Variants in PLAUR observed in about 807,000 individuals in gnomAD.
PLAUR encodes urokinase plasminogen activator surface receptor.
PLAUR carries 22 observed loss-of-function variants against 33.4 expected under a neutral mutation model. The ratio of observed to expected loss-of-function variants is 0.66; its 90% CI spans 0.47 to 0.94. The LOEUF (loss-of-function observed/expected upper bound fraction) is 0.94, where lower values mean the gene tolerates loss of function less well. PLAUR is among the 40% of genes least tolerant of loss of function. The probability of loss-of-function intolerance (pLI) is 0.00; values close to 1 mark genes in which losing one functional copy is unlikely to be tolerated. For synonymous variants in PLAUR, 148 were observed against 167.3 expected, an observed-to-expected ratio of 0.88 and a Z score of 0.89; for missense variants, 408 against 434.7, an observed-to-expected ratio of 0.94 and a Z score of 0.55.
Position 43,648,770 on chromosome 19 carries a change from A to G in PLAUR, c.*120T>C. On this transcript the variant is annotated 3_prime_UTR_variant, in exon 7 of 7. Coordinates refer to ENST00000340093, the MANE Select transcript of PLAUR (RefSeq NM_002659.4). ...GCTGTTTTCATAGCTGGGAAAACTGAGGCCCAGAGAGGTCGGCACACTGGC... is the reference window on the plus strand; with the variant it reads ...GCTGTTTTCATAGCTGGGAAAACTGGGGCCCAGAGAGGTCGGCACACTGGC... 1 of 1,099,710 alleles carries G rather than the reference A, an allele frequency of 9.1e-7. No individual in the cohort carries two copies. The highest frequency in any genetic ancestry group is 1.6e-5 in the African/African-American group (1 of 63,842). 68.1% of individuals were successfully genotyped at this position (1,099,710 alleles called of 1,614,324 possible).
At chr19:43,664,564 T>G (rs932150600) in intron 3 of PLAUR, among the ~76,000 whole-genome samples, 5 of 152,218 alleles carry the variant, frequency 3.3e-5, no homozygotes, top group African/African-American at 1.2e-4. Context: ...CCCGCCTTGG[T>G]CTCCCAAAGT....
chr19:43,657,474 G>A (rs574795635), intron 3 of PLAUR, among the ~76,000 whole-genome samples: 2 of 152,276 alleles, frequency 1.3e-5, no homozygotes, highest in East Asian at 1.9e-4. Context: ...ATGTTCCCTG[G>A]CATCCAGGCC....
At chr19:43,666,421 C>T (rs1967253569) in intron 2 of PLAUR, among the ~76,000 whole-genome samples, 1 of 152,144 alleles carries the variant, frequency 6.6e-6, no homozygotes, top group Non-Finnish European at 1.5e-5. Flanking sequence ...CTGCTGCTGA[C>T]TTGCTGACTG....
chr19:43,661,411 T>TC (rs1344415227), intron 3 of PLAUR: 1 of 122,238 alleles, frequency 8.2e-6, no homozygotes, highest in East Asian at 2.3e-4. Context: ...TTTTTTTTTT[T>TC]TTTGAAATGG....
chr19:43,667,927 C>A (rs1473888713), intron 1 of PLAUR: 18 of 1,372,440 alleles, frequency 1.3e-5, no homozygotes, highest in Non-Finnish European at 1.4e-5. Context: ...TTCCCAAAGT[C>A]CTGCCTTGGC....
chr19:43,655,407 C>G, intron 5 of PLAUR, 32 bp downstream of exon 5: 1 of 1,611,520 alleles, frequency 6.2e-7, no homozygotes, highest in Non-Finnish European at 8.5e-7. Flanking sequence ...CCTGCCCGAC[C>G]CCAGGCCTTG....
chr19:43,667,933 T>G, intron 1 of PLAUR: 1 of 1,364,816 alleles, frequency 7.3e-7, no homozygotes, highest in Non-Finnish European at 9.5e-7. Flanking sequence ...AAGTCCTGCC[T>G]TGGCCCGTTT....
intron 6 of PLAUR, among the ~76,000 whole-genome samples, chr19:43,650,360 C>G (rs1438942737): frequency 2.0e-5 from 3 of 150,876 alleles, no homozygotes; most frequent in Non-Finnish European, 4.4e-5. Flanking sequence ...GGGTCTCGCT[C>G]TGTTGCCCAG....
intron 5 of PLAUR, among the ~76,000 whole-genome samples, chr19:43,653,661 AAAAG>A (rs1974086811): frequency 1.3e-5 from 2 of 150,920 alleles, no homozygotes; most frequent in Middle Eastern, 3.2e-3. Context: ...TCCATCTAAA[AAAAG>A]AAAGAAAGGA....
rs781088559 is a variant in PLAUR at position 43,665,289 on chromosome 19, G to C, written c.310+27C>G. The C allele has an allele frequency of 1.2e-5, 20 of 1,611,360 alleles. 1 individual carries two copies. In the South Asian group the frequency reaches 2.2e-4, roughly 18 times the overall value. On this transcript the variant is annotated intron_variant, in intron 3 of 6. Transcript: ENST00000340093. ...GTTGAGCTGGGGATGGCTTGGGGTT[G>C]GGGATGGCAAGGGCTGCCCTACTCA...
intron 3 of PLAUR, among the ~76,000 whole-genome samples, chr19:43,657,154 G>T (rs1482507314): frequency 6.6e-6 from 1 of 152,064 alleles, no homozygotes; most frequent in Non-Finnish European, 1.5e-5. Flanking sequence ...ATGTTGGCCA[G>T]GCTGGTCTCG....
At chr19:43,646,456 T>G (rs1330903074), downstream of PLAUR, 2 of 718,106 alleles carry the variant, frequency 2.8e-6, no homozygotes, top group African/African-American at 3.5e-5. Flanking sequence ...CCACATGGCA[T>G]TTATACATGA....
downstream of PLAUR, chr19:43,646,198 C>T (rs2058051186): frequency 3.1e-6 from 1 of 325,108 alleles, no homozygotes; most frequent in South Asian, 4.0e-5. Context: ...CTCACCCTCC[C>T]AAAGTGCTAG....
At chr19:43,650,066 C>T (rs58664350) in intron 6 of PLAUR, among the ~76,000 whole-genome samples, 13,475 of 149,894 alleles carry the variant, frequency 0.09, 809 homozygotes, top group Middle Eastern at 0.19. Flanking sequence ...GGCTGGAGTG[C>T]AGTGGCACGA....
At chr19:43,663,999 C>G (rs1010310413) in intron 3 of PLAUR, among the ~76,000 whole-genome samples, 1 of 152,040 alleles carries the variant, frequency 6.6e-6, no homozygotes, top group Non-Finnish European at 1.5e-5. Context: ...AGGGGCAACA[C>G]CAGGCCCAGC....
chr19:43,668,156 C>T, intron 1 of PLAUR: 3 of 992,894 alleles, frequency 3.0e-6, no homozygotes, highest in Non-Finnish European at 3.6e-6. Context: ...CCTAATGGAA[C>T]TATCCCTCCA....
rs2687 is a variant in PLAUR, at chr19:43,648,832, G to T, written c.*58C>A. 3.2e-6 allele frequency: 5 copies of T among 1,555,486 alleles called. No individual in the cohort carries two copies. The highest frequency in any genetic ancestry group is 3.5e-6 in the Non-Finnish European group (4 of 1,139,606). ...CAGCAAGTCTGTAGGGCTGGGAGCCGAGGGAAGGGCAAAGGGGTCCCCCGG... is the reference window on the plus strand; with the variant it reads ...CAGCAAGTCTGTAGGGCTGGGAGCCTAGGGAAGGGCAAAGGGGTCCCCCGG... On this transcript the variant is annotated 3_prime_UTR_variant, in exon 7 of 7. Transcript: ENST00000340093.
At position 43,665,359 on chromosome 19, in the gene PLAUR, G is replaced by A. The variant is rs146202545; in HGVS notation, c.267C>T (p.Thr89=). The part of the protein sequence containing the change: ...YRTGLKITSL[T]EVVCGLDLCN... ...ACAAGTCTAACCCACACACAACCTC[G>A]GTAAGGCTGGTGATCTTCAAGCCAG... Residue 89 remains threonine, a synonymous_variant, in exon 3 of 7, where the codon ACC becomes ACT. Coordinates refer to ENST00000340093, the MANE Select transcript of PLAUR (RefSeq NM_002659.4). 194 of 1,613,946 alleles carry A rather than the reference G, an allele frequency of 1.2e-4. 1 individual carries two copies. The highest frequency in any genetic ancestry group is 1.0e-3 in the East Asian group (45 of 44,836).
At chr19:43,654,121 C>G (rs139930423) in intron 5 of PLAUR, among the ~76,000 whole-genome samples, 302 of 145,752 alleles carry the variant, frequency 2.1e-3, no homozygotes, top group Middle Eastern at 0.011. Context: ...AAGACTCCAT[C>G]TCAGAAAAAA....
Sources: allele counts gnomAD v4.1 joint callset (sites outside exome capture counted in the v4.1 genomes callset), GRCh38; gene constraint gnomAD v4.1.1; transcripts MANE v1.5; gene names NCBI Gene and HGNC (gene_info 2026-07-23, HGNC 2026-07-21).